The following SRSF10 variants were observed in gnomAD, a reference collection of about 807,000 sequenced individuals.
SRSF10 encodes the protein serine/arginine-rich splicing factor 10.
A neutral mutation model predicts 32.6 loss-of-function variants in SRSF10; 9 were observed. The ratio of observed to expected loss-of-function variants is 0.28; its 90% confidence interval spans 0.17 to 0.48. The LOEUF (loss-of-function observed/expected upper bound fraction) is 0.48. Among genes scored for constraint, SRSF10 ranks in the 20% least tolerant of loss-of-function variants. The pLI is 0.99. For missense variants in SRSF10, 201 were observed against 331.8 expected, an observed-to-expected ratio of 0.61 and a Z score of 3.06; for synonymous variants, 105 against 112.4, an observed-to-expected ratio of 0.93 and a Z score of 0.42.
rs1642236027 is a variant in SRSF10 at position 23,978,850 on chromosome 1, T to A, written c.66-33A>T. 3 of 1,580,520 alleles carry A rather than the reference T, an allele frequency of 1.9e-6. No homozygotes were observed. The South Asian group carries it at 3.5e-5, about 18-fold the overall frequency. On this transcript the variant is annotated intron_variant, in intron 1 of 5. Coordinates refer to ENST00000492112, the MANE Select transcript of SRSF10 (RefSeq NM_054016.4). ...ATCATAAAAAGACCTCAAATTTTTA[T>A]GTCCAAGTCCTTAAGATGTATAGGC...
rs2148497615 is a variant in SRSF10 at position 23,970,249 on chromosome 1, T to C, written c.*893A>G. ...CAGAAAAAAAGCAGTGAAGGCTCCA[T>C]GTTTCAGTCAAAAACTCAATTTCCC... On this transcript the variant is annotated 3_prime_UTR_variant, in exon 6 of 6. Transcript: ENST00000492112. The C allele has an allele frequency of 5.1e-6, 5 of 985,414 alleles. No individual in the cohort carries two copies. The highest frequency in any genetic ancestry group is 4.8e-6 in the Non-Finnish European group (4 of 829,928). The allele number at this position is 985,414 out of a possible 1,614,324, so 61.0% of individuals were successfully genotyped here.
intron 3 of SRSF10, among the ~76,000 whole-genome samples, chr1:23,973,136 A>T (rs891344055): frequency 2.0e-5 from 3 of 152,124 alleles, no homozygotes; most frequent in Admixed American, 6.5e-5. Context: ...GTAACTGCAA[A>T]TTTTCATCTT....
intron 2 of SRSF10, chr1:23,977,829 C>T (rs1367888255): frequency 1.1e-6 from 1 of 948,368 alleles, no homozygotes; most frequent in Non-Finnish European, 1.3e-6. Context: ...TGTCACTAGA[C>T]CAAACCAGAA....
intron 2 of SRSF10, chr1:23,977,940 T>G: frequency 1.0e-6 from 1 of 985,174 alleles, no homozygotes; most frequent in Non-Finnish European, 1.2e-6. Flanking sequence ...ATCTTGGCCA[T>G]CATTCAACTT....
intron 1 of SRSF10, among the ~76,000 whole-genome samples, chr1:23,979,947 A>C (rs1361182331): frequency 6.6e-6 from 1 of 152,044 alleles, no homozygotes; most frequent in Non-Finnish European, 1.5e-5. Flanking sequence ...AAGGGGCTGC[A>C]AACTGCGGAG....
chr1:23,975,137 G>T, intron 2 of SRSF10, 60 bp from the exon 3 acceptor site: 1 of 1,292,932 alleles, frequency 7.7e-7, no homozygotes, highest in South Asian at 1.2e-5. Flanking sequence ...TGAAAGTTCA[G>T]TTGGTATGTC....
Position 23,970,775 on chromosome 1 carries a change from G to A in SRSF10, c.*367C>T. On this transcript the variant is annotated 3_prime_UTR_variant, in exon 6 of 6. Coordinates refer to ENST00000492112, the MANE Select transcript of SRSF10 (RefSeq NM_054016.4). Reference sequence around the variant, plus strand: ...TTGTATCATTCTATCTTATTAGCAAGCTACATTTCTAGGTTAACAGTTCTA... The same window carrying A: ...TTGTATCATTCTATCTTATTAGCAAACTACATTTCTAGGTTAACAGTTCTA... 3 of 1,027,584 alleles carry A rather than the reference G, an allele frequency of 2.9e-6. No homozygotes were observed. Among genetic ancestry groups the A allele is most frequent in the Non-Finnish European group, 3.5e-6 (3 of 857,052 alleles). 63.7% of individuals were successfully genotyped at this position (1,027,584 alleles called of 1,614,324 possible).
intron 1 of SRSF10, among the ~76,000 whole-genome samples, chr1:23,979,597 G>A (rs1347396879): frequency 6.6e-6 from 1 of 152,098 alleles, no homozygotes; most frequent in Non-Finnish European, 1.5e-5. Flanking sequence ...TTCAAAGGGT[G>A]ACCAGAATTT....
At chr1:23,973,986 G>A (rs1432147724) in intron 3 of SRSF10, among the ~76,000 whole-genome samples, 2 of 117,854 alleles carry the variant, frequency 1.7e-5, no homozygotes, top group Non-Finnish European at 3.4e-5. Context: ...CCTCTCCTCA[G>A]CAGCTATTTT....
intron 1 of SRSF10, among the ~76,000 whole-genome samples, chr1:23,979,704 A>T (rs1642331074): frequency 6.6e-6 from 1 of 152,226 alleles, no homozygotes; most frequent in Non-Finnish European, 1.5e-5. Flanking sequence ...CAACTGATTA[A>T]AACCCCCAAA....
Position 23,968,063 on chromosome 1 carries a change from C to G in SRSF10, c.*3079G>C. On this transcript the variant is annotated 3_prime_UTR_variant, in exon 6 of 6. Transcript: ENST00000492112. Reference sequence around the variant, plus strand: ...ATAACCATTCTATTTATCATTGAGCCCAGTCATACACAGTAGGTAAACTCA... The same window carrying G: ...ATAACCATTCTATTTATCATTGAGCGCAGTCATACACAGTAGGTAAACTCA... 3 of 1,513,850 alleles carry G rather than the reference C, an allele frequency of 2.0e-6. No homozygotes were observed. The South Asian group carries it at 3.7e-5, about 19-fold the overall frequency. The allele number at this position is 1,513,850 out of a possible 1,614,324, so 93.8% of individuals were successfully genotyped here.
At position 23,971,563 on chromosome 1, in the gene SRSF10, A is replaced by T; in HGVS notation, c.491+10T>A. On this transcript the variant is annotated intron_variant, in intron 5 of 5. Coordinates refer to ENST00000492112, the MANE Select transcript of SRSF10 (RefSeq NM_054016.4). ...AATACATGAGTCTTTTTCAAAGCAA[A>T]GTTATTTACCTATCATTGTCGGAAT... 2 of 1,607,280 alleles carry T rather than the reference A, an allele frequency of 1.2e-6. No homozygotes were observed. Among genetic ancestry groups the T allele is most frequent in the Non-Finnish European group, 1.7e-6 (2 of 1,178,806 alleles).
chr1:23,968,602 A>G lies in SRSF10; in HGVS notation c.*2540T>C, dbSNP rs1395876373. On this transcript the variant is annotated 3_prime_UTR_variant, in exon 6 of 6. Transcript: ENST00000492112. Reference sequence around the variant, plus strand: ...TAATAAATTAGCTATAATTGTCATAAAGTAGATAGAATTCAAACCACAAAA... The same window carrying G: ...TAATAAATTAGCTATAATTGTCATAGAGTAGATAGAATTCAAACCACAAAA... 9.8e-5 allele frequency among the ~76,000 whole-genome samples: 15 copies of G among 152,298 alleles called. No homozygotes were observed. The East Asian group carries it at 1.9e-3, about 20-fold the overall frequency.
intron 2 of SRSF10, 112 bp downstream of exon 2, chr1:23,978,597 AAGAC>A: frequency 1.1e-5 from 15 of 1,312,680 alleles, no homozygotes; most frequent in South Asian, 4.1e-5. Flanking sequence ...CAAAAATTTG[AAGAC>A]AGACATTTAT....
Position 23,968,651 on chromosome 1 carries a change from G to A in SRSF10, c.*2491C>T, listed in dbSNP as rs993009281. On this transcript the variant is annotated 3_prime_UTR_variant, in exon 6 of 6. Transcript: ENST00000492112. ...AATACCTAACCTACTTCCCCAAAGA[G>A]GTTATCACTTAATATTAGTTGCTCA... Among the ~76,000 whole-genome samples, 93 of 152,212 alleles carry A rather than the reference G, an allele frequency of 6.1e-4. No homozygotes were observed. Among genetic ancestry groups the A allele is most frequent in the African/African-American group, 2.0e-3 (84 of 41,544 alleles).
chr1:23,975,559 G>C (rs7554666), intron 2 of SRSF10: 151,086 of 152,680 alleles, frequency 0.99, 74,769 homozygotes, highest in East Asian at 1. Flanking sequence ...TTACAAGAGA[G>C]GAAAGCATTA....
Position 23,966,216 on chromosome 1 carries a change from TACAA to T in SRSF10, c.*4922_*4925del, listed in dbSNP as rs1276482354. The T allele has an allele frequency of 2.0e-5, 3 of 151,864 alleles. No individual in the cohort carries two copies. Among genetic ancestry groups the T allele is most frequent in the Admixed American group, 1.3e-4 (2 of 15,238 alleles). The allele number at this position is 151,864 out of a possible 1,614,324, so 9.4% of individuals were successfully genotyped here. ...TTCAAACAAAATTTCTAAAATAAAA[TACAA>T]ACAATAATACCTCCATTTCACACCT... On this transcript the variant is annotated 3_prime_UTR_variant, in exon 6 of 6. Transcript: ENST00000492112.
rs951613363 is a variant in SRSF10 at position 23,968,703 on chromosome 1, A to C, written c.*2439T>G. Among the ~76,000 whole-genome samples the C allele has an allele frequency of 6.6e-6, 1 of 152,190 alleles. No individual in the cohort carries two copies. Among genetic ancestry groups the C allele is most frequent in the South Asian group, 2.1e-4 (1 of 4,838 alleles). On this transcript the variant is annotated 3_prime_UTR_variant, in exon 6 of 6. Coordinates refer to ENST00000492112, the MANE Select transcript of SRSF10 (RefSeq NM_054016.4). ...CAACATTCAATTTAAAATGATTTAA[A>C]ATCATGTCATAAACGTTAAGCCCTA... is the stretch of plus-strand genomic sequence containing the variant.
intron 3 of SRSF10, among the ~76,000 whole-genome samples, chr1:23,972,322 G>A (rs911707484): frequency 0.011 from 1,651 of 152,004 alleles, 41 homozygotes; most frequent in African/African-American, 0.038. Flanking sequence ...GAAATCACTT[G>A]AGCTCATGAG....
Sources: gnomAD v4.1 joint callset for allele counts (sites outside exome capture counted in the v4.1 genomes callset) on GRCh38, gnomAD v4.1.1 for gene constraint, MANE v1.5 for transcripts, NCBI Gene and HGNC (gene_info 2026-07-23, HGNC 2026-07-21) for gene names.